The following PPFIBP1 variants were observed in gnomAD, a reference collection of about 807,000 sequenced individuals.
PPFIBP1 encodes the protein liprin-beta-1.
Under a neutral mutation model 137.8 loss-of-function variants are expected in PPFIBP1, and 112 were observed. That is an observed-to-expected ratio of 0.81 (90% CI 0.70 to 0.95). PPFIBP1 has a LOEUF of 0.95. Ranked by LOEUF, PPFIBP1 falls within the 40% of genes least tolerant of loss-of-function variation. PPFIBP1 has a pLI of 0.00. For missense variants in PPFIBP1, 1,083 were observed against 1,196.6 expected (o/e 0.91, Z 1.40); for synonymous variants, 378 against 417.3 (o/e 0.91, Z 1.15).
At chr12:27,646,859 C>A (rs1176585311) in intron 5 of PPFIBP1, among the ~76,000 whole-genome samples, 2 of 152,172 alleles carry the variant, frequency 1.3e-5, no homozygotes, top group African/African-American at 4.8e-5. Flanking sequence ...ACTCAAAGAT[C>A]TGCTGTAAGC....
intron 2 of PPFIBP1, 24 bp from the exon 3 acceptor site, chr12:27,633,338 A>T: frequency 6.6e-7 from 1 of 1,509,424 alleles, no homozygotes; most frequent in Non-Finnish European, 9.2e-7. Context: ...TAATGGATGT[A>T]ATGATAACCT....
chr12:27,651,486 C>A (rs2058871402), intron 7 of PPFIBP1, among the ~76,000 whole-genome samples: 1 of 152,170 alleles, frequency 6.6e-6, no homozygotes, highest in African/African-American at 2.4e-5. Context: ...GCTCTTAAAA[C>A]AGGACTTAGA....
At chr12:27,639,846 C>A (rs530912267) in intron 4 of PPFIBP1, among the ~76,000 whole-genome samples, 1 of 152,202 alleles carries the variant, frequency 6.6e-6, no homozygotes, top group Non-Finnish European at 1.5e-5. Flanking sequence ...GGGACATGCT[C>A]TCTGCAGGGC....
At chr12:27,642,065 G>A (rs966220568) in intron 4 of PPFIBP1, among the ~76,000 whole-genome samples, 1 of 152,218 alleles carries the variant, frequency 6.6e-6, no homozygotes, top group African/African-American at 2.4e-5. Context: ...TAGAGTCAGG[G>A]AATTCGTTTT....
At chr12:27,691,325 C>T (rs1335918279) in intron 27 of PPFIBP1, among the ~76,000 whole-genome samples, 3 of 151,894 alleles carry the variant, frequency 2.0e-5, no homozygotes, top group African/African-American at 7.3e-5. Flanking sequence ...CCTGTAGTTT[C>T]AGCTACTCCA....
chr12:27,662,966 T>C (rs1218619188), intron 11 of PPFIBP1, among the ~76,000 whole-genome samples: 1 of 152,188 alleles, frequency 6.6e-6, no homozygotes, highest in African/African-American at 2.4e-5. Flanking sequence ...GGCTAGGTGA[T>C]TCTTCTGATC....
intron 2 of PPFIBP1, among the ~76,000 whole-genome samples, chr12:27,617,269 C>G (rs1169613932): frequency 5.3e-5 from 8 of 152,138 alleles, no homozygotes; most frequent in Non-Finnish European, 5.9e-5. Flanking sequence ...TTAGAATACT[C>G]AAGTTTCGAG....
At chr12:27,544,440 C>T (rs1034618734) in intron 1 of PPFIBP1, among the ~76,000 whole-genome samples, 5 of 152,284 alleles carry the variant, frequency 3.3e-5, no homozygotes, top group South Asian at 2.1e-4. Context: ...AAACTGTCGT[C>T]GGAGTGAACA....
At chr12:27,569,504 T>C (rs1689900278) in intron 1 of PPFIBP1, among the ~76,000 whole-genome samples, 1 of 152,194 alleles carries the variant, frequency 6.6e-6, no homozygotes, top group African/African-American at 2.4e-5. Context: ...CCCTTCCTCA[T>C]TCTCACATGT....
At chr12:27,548,731 G>A (rs1946469721) in intron 1 of PPFIBP1, 2 of 152,204 alleles carry the variant, frequency 1.3e-5, no homozygotes, top group South Asian at 4.1e-4. Context: ...GGGACTGGAG[G>A]TGGGGAAGCC....
At chr12:27,646,379 A>AATACG (rs1303150140) in intron 5 of PPFIBP1, 3 of 551,480 alleles carry the variant, frequency 5.4e-6, no homozygotes, top group Non-Finnish European at 1.0e-5. Context: ...GACCAGTCTG[A>AATACG]ATACGGGCAC....
In PPFIBP1 at chr12:27,646,108, T is replaced by A. The variant is rs749476907; in HGVS notation, c.317T>A (p.Leu106Gln). ...PGNGDVYQER[L>Q]ARLENDKESL... ...AACGGAGATGTGTATCAAGAAAGGC[T>A]GGCACGTTTAGAAAATGATAAAGAA... Residue 106 changes from leucine to glutamine, a missense_variant, in exon 5 of 30, where the codon CTG becomes CAG. By Grantham distance (113) the Leu-to-Gln change is moderately radical. Coordinates refer to ENST00000228425, the MANE Select transcript of PPFIBP1 (RefSeq NM_003622.4). 6.2e-7 allele frequency: 1 copy of A among 1,612,430 alleles called. No homozygotes were observed. The highest frequency in any genetic ancestry group is 1.7e-5 in the Admixed American group (1 of 60,018).
At chr12:27,552,292 A>G (rs1329490825) in intron 1 of PPFIBP1, among the ~76,000 whole-genome samples, 1 of 152,182 alleles carries the variant, frequency 6.6e-6, no homozygotes, top group Non-Finnish European at 1.5e-5. Flanking sequence ...GGAATAGAGA[A>G]ATTTATTGTT....
chr12:27,632,879 A>G (rs1004520305), intron 2 of PPFIBP1, among the ~76,000 whole-genome samples: 5 of 152,206 alleles, frequency 3.3e-5, no homozygotes, highest in African/African-American at 1.2e-4. Context: ...GTGTGTGTGC[A>G]CATACATTTA....
intron 2 of PPFIBP1, among the ~76,000 whole-genome samples, chr12:27,589,255 A>G (rs2052170337): frequency 6.6e-6 from 1 of 152,232 alleles, no homozygotes; most frequent in African/African-American, 2.4e-5. Context: ...GAAATCGTCT[A>G]TAACTTGCTT....
At chr12:27,692,766 A>G in intron 29 of PPFIBP1, 30 bp from the exon 30 acceptor site, 1 of 1,614,036 alleles carries the variant, frequency 6.2e-7, no homozygotes, top group Non-Finnish European at 8.5e-7. Context: ...CTTGGCTCTC[A>G]GTGTGACTCC....
At chr12:27,553,538 C>A (rs1946992965) in intron 1 of PPFIBP1, among the ~76,000 whole-genome samples, 1 of 152,114 alleles carries the variant, frequency 6.6e-6, no homozygotes, top group Non-Finnish European at 1.5e-5. Flanking sequence ...ATGTGGCTGA[C>A]CCTGTAGGAG....
intron 14 of PPFIBP1, 141 bp downstream of exon 14, chr12:27,671,687 A>G: frequency 1.8e-6 from 1 of 560,554 alleles, no homozygotes; most frequent in Non-Finnish European, 3.2e-6. Context: ...GGGATCTGTA[A>G]TCAGTTCTGT....
intron 17 of PPFIBP1, 148 bp from the exon 18 acceptor site, chr12:27,676,280 C>A (rs949756254): frequency 3.8e-6 from 2 of 523,926 alleles, no homozygotes; most frequent in East Asian, 6.9e-5. Context: ...TCTGATAAGG[C>A]ATTTGACATT....
Sources: gnomAD v4.1 joint callset for allele counts (sites outside exome capture counted in the v4.1 genomes callset) on GRCh38, gnomAD v4.1.1 for gene constraint, MANE v1.5 for transcripts, NCBI Gene and HGNC (gene_info 2026-07-23, HGNC 2026-07-21) for gene names.